The following TMEM132D variants were observed in gnomAD, a reference collection of about 807,000 sequenced individuals.
The protein encoded by TMEM132D is transmembrane protein 132D, also known as mature OL transmembrane protein.
Under a neutral mutation model 62.3 loss-of-function variants are expected in TMEM132D, and 21 were observed. That is an observed-to-expected ratio of 0.34 (90% CI 0.24 to 0.49). The LOEUF (loss-of-function observed/expected upper bound fraction) is 0.49, where lower values mean the gene tolerates loss of function less well. Among genes scored for constraint, TMEM132D ranks in the 20% least tolerant of loss-of-function variants. The pLI is 0.99. For synonymous variants in TMEM132D, 621 were observed against 575.6 expected, an observed-to-expected ratio of 1.08 and a Z score of -1.13; for missense variants, 1,346 against 1,402.8, an observed-to-expected ratio of 0.96 and a Z score of 0.65.
chr12:129,085,003 C>T (rs979223361), intron 5 of TMEM132D: 19 of 519,548 alleles, frequency 3.7e-5, no homozygotes, highest in South Asian at 3.0e-4. Context: ...CCACATCTTC[C>T]GTAGAAGACT....
chr12:129,308,429 C>T (rs913284870), intron 4 of TMEM132D, among the ~76,000 whole-genome samples: 6 of 152,218 alleles, frequency 3.9e-5, no homozygotes, highest in African/African-American at 9.6e-5. Context: ...ATTTATGGTA[C>T]GTCGTGTACA....
intron 3 of TMEM132D, 115 bp from the exon 4 acceptor site, chr12:129,337,932 C>A (rs1040732899): frequency 1.9e-6 from 2 of 1,061,984 alleles, no homozygotes; most frequent in Non-Finnish European, 2.7e-6. Context: ...TGGAACCAAG[C>A]GCACACATCT....
chr12:129,619,551 C>T (rs1879008192), intron 2 of TMEM132D, among the ~76,000 whole-genome samples: 1 of 152,232 alleles, frequency 6.6e-6, no homozygotes, highest in African/African-American at 2.4e-5. Flanking sequence ...TATCCACTGG[C>T]TCCCCCAGCC....
chr12:129,153,725 G>C (rs1489990232), intron 5 of TMEM132D, among the ~76,000 whole-genome samples: 4 of 152,164 alleles, frequency 2.6e-5, no homozygotes, highest in Non-Finnish European at 5.9e-5. Context: ...TCCAGCAGTA[G>C]GGCCAGGGGC....
At chr12:129,350,312 A>G (rs1335457457) in intron 3 of TMEM132D, among the ~76,000 whole-genome samples, 1 of 152,184 alleles carries the variant, frequency 6.6e-6, no homozygotes, top group Non-Finnish European at 1.5e-5. Flanking sequence ...GGAAGGAAAG[A>G]TCCCCAGCAG....
At chr12:129,502,991 C>T (rs377039038) in intron 3 of TMEM132D, among the ~76,000 whole-genome samples, 5 of 152,268 alleles carry the variant, frequency 3.3e-5, no homozygotes, top group African/African-American at 1.2e-4. Flanking sequence ...TATCTTATTG[C>T]TATATCTCTG....
chr12:129,180,341 C>A (rs1878030578), intron 5 of TMEM132D, among the ~76,000 whole-genome samples: 1 of 152,178 alleles, frequency 6.6e-6, no homozygotes, highest in Non-Finnish European at 1.5e-5. Context: ...CAACGCCCAG[C>A]TTTCCATATG....
intron 3 of TMEM132D, among the ~76,000 whole-genome samples, chr12:129,429,391 G>A (rs967870374): frequency 2.6e-5 from 4 of 152,082 alleles, no homozygotes; most frequent in Non-Finnish European, 4.4e-5. Context: ...TTGTTTGTTT[G>A]TCATTGGTGT....
chr12:129,103,922 C>T (rs1190742921), intron 5 of TMEM132D, among the ~76,000 whole-genome samples: 2 of 152,204 alleles, frequency 1.3e-5, no homozygotes, highest in Non-Finnish European at 2.9e-5. Flanking sequence ...ACATTCCATG[C>T]TCGTGGGTAG....
chr12:129,744,982 G>C (rs573599095), intron 1 of TMEM132D, among the ~76,000 whole-genome samples: 1 of 152,154 alleles, frequency 6.6e-6, no homozygotes, highest in Non-Finnish European at 1.5e-5. Context: ...TCGTGATAGT[G>C]AGTGAATTCT....
At chr12:129,745,488 C>T (rs1274494146) in intron 1 of TMEM132D, among the ~76,000 whole-genome samples, 2 of 152,158 alleles carry the variant, frequency 1.3e-5, no homozygotes, top group Admixed American at 6.6e-5. Context: ...TTCACAACAG[C>T]CATCCCCCAA....
chr12:129,531,592 A>T (rs1238051408), intron 2 of TMEM132D, among the ~76,000 whole-genome samples: 2 of 152,240 alleles, frequency 1.3e-5, no homozygotes, highest in Non-Finnish European at 2.9e-5. Flanking sequence ...AGACTGAAAT[A>T]AGAACGCACA....
intron 4 of TMEM132D, among the ~76,000 whole-genome samples, chr12:129,274,303 C>T (rs1880942665): frequency 6.7e-6 from 1 of 149,228 alleles, no homozygotes; most frequent in Non-Finnish European, 1.5e-5. Context: ...ATTCTTGGGT[C>T]TAGAGTTTAT....
intron 8 of TMEM132D, 96 bp downstream of exon 8, chr12:129,078,438 C>T: frequency 2.4e-6 from 3 of 1,273,450 alleles, no homozygotes; most frequent in African/African-American, 1.5e-5. Context: ...TATGATCCCA[C>T]TCTATTGTGC....
chr12:129,434,874 C>G (rs1460482345), intron 3 of TMEM132D, among the ~76,000 whole-genome samples: 1 of 152,084 alleles, frequency 6.6e-6, no homozygotes, highest in Non-Finnish European at 1.5e-5. Flanking sequence ...CTATTGTTAA[C>G]TATATCACCC....
intron 3 of TMEM132D, among the ~76,000 whole-genome samples, chr12:129,483,784 C>G (rs1019248581): frequency 6.6e-6 from 1 of 152,140 alleles, no homozygotes. Flanking sequence ...TTCATGGCTG[C>G]GTGAGAGCAT....
chr12:129,217,062 C>CA (rs1879225966), intron 4 of TMEM132D, among the ~76,000 whole-genome samples: 2 of 152,014 alleles, frequency 1.3e-5, no homozygotes, highest in African/African-American at 4.8e-5. Flanking sequence ...GATCACTTGC[C>CA]ATTTTAATAT....
chr12:129,086,199 CGCGTGT>C (rs1212486062), intron 5 of TMEM132D, among the ~76,000 whole-genome samples: 62 of 116,174 alleles, frequency 5.3e-4, no homozygotes, highest in African/African-American at 1.2e-3. Flanking sequence ...GTCACGCGCG[CGCGTGT>C]GTGTGTGTGT....
intron 3 of TMEM132D, among the ~76,000 whole-genome samples, chr12:129,463,248 CTTATT>C (rs910288396): frequency 3.4e-4 from 52 of 152,114 alleles, no homozygotes; most frequent in African/African-American, 1.2e-3. Context: ...GCCTCATTTC[CTTATT>C]TTATTTTATT....
Sources: allele counts gnomAD v4.1 joint callset (sites outside exome capture counted in the v4.1 genomes callset), GRCh38; gene constraint gnomAD v4.1.1; transcripts MANE v1.5; gene names NCBI Gene and HGNC (gene_info 2026-07-23, HGNC 2026-07-21).